The following FRG1 variants were observed in gnomAD, a reference collection of about 807,000 sequenced individuals.
The protein encoded by FRG1 is protein FRG1.
Under a neutral mutation model 37.0 loss-of-function variants are expected in FRG1, and 19 were observed. The ratio of observed to expected loss-of-function variants is 0.51; its 90% CI spans 0.36 to 0.75. The LOEUF is 0.75. Ranked by LOEUF, FRG1 falls within the 30% of genes least tolerant of loss-of-function variation. The pLI is 0.00. For missense variants in FRG1, 243 were observed against 301.4 expected (o/e 0.81, Z 1.44); for synonymous variants, 73 against 96.5 (o/e 0.76, Z 1.43).
chr4:189,948,177 A>G (rs1736607562), intron 2 of FRG1, among the ~76,000 whole-genome samples: 1 of 152,114 alleles, frequency 6.6e-6, no homozygotes, highest in African/African-American at 2.4e-5. Flanking sequence ...CTATTTGTGA[A>G]GGGAAAGAAA....
At chr4:189,948,932 A>AT (rs1418150384) in intron 2 of FRG1, among the ~76,000 whole-genome samples, 2 of 152,218 alleles carry the variant, frequency 1.3e-5, no homozygotes, top group Non-Finnish European at 2.9e-5. Context: ...GGCTAAAGTG[A>AT]TTCTCCTGCT....
intron 1 of FRG1, chr4:189,942,072 T>C (rs2126794957): frequency 5.3e-6 from 1 of 188,100 alleles, no homozygotes; most frequent in Admixed American, 6.4e-5. Context: ...AGTTATCTTC[T>C]GAAAACTTTA....
At chr4:189,958,201 A>G (rs62345294) in intron 6 of FRG1, among the ~76,000 whole-genome samples, 1 of 151,906 alleles carries the variant, frequency 6.6e-6, no homozygotes, top group Admixed American at 6.6e-5. Context: ...TTAGTCTTTT[A>G]TAGATGGAAA....
At chr4:189,947,718 A>G (rs56375279) in intron 2 of FRG1, among the ~76,000 whole-genome samples, 13,809 of 152,310 alleles carry the variant, frequency 0.091, 762 homozygotes, top group African/African-American at 0.15. Flanking sequence ...CCTTGGCCAC[A>G]GACCTGCAGA....
At position 189,957,527 on chromosome 4, in the gene FRG1, GACT is replaced by G. The variant is rs1434142723; in HGVS notation, c.537+26_537+28del. 1.9e-6 allele frequency: 3 copies of G among 1,609,448 alleles called. No individual in the cohort carries two copies. The Admixed American group carries it at 5.0e-5, about 27-fold the overall frequency. On this transcript the variant is annotated intron_variant, in intron 6 of 8. Coordinates refer to ENST00000226798, the MANE Select transcript of FRG1 (RefSeq NM_004477.3). ...GGTAATGATGACATTTTATACAGAT[GACT>G]GCATTCACACATGCGATGTGACTGT...
At chr4:189,958,336 C>T (rs77070089) in intron 6 of FRG1, among the ~76,000 whole-genome samples, 1 of 148,210 alleles carries the variant, frequency 6.7e-6, no homozygotes. Context: ...ATTACCAGGT[C>T]GGGGTATATG....
intron 6 of FRG1, 49 bp from the exon 7 acceptor site, chr4:189,960,699 G>A (rs7440511): frequency 2.1e-6 from 3 of 1,421,362 alleles, no homozygotes; most frequent in Non-Finnish European, 2.9e-6. Context: ...AAGTGGGGAA[G>A]GTGGAAGATA....
chr4:189,942,784 C>T (rs1392858420), intron 1 of FRG1, among the ~76,000 whole-genome samples: 1 of 152,170 alleles, frequency 6.6e-6, no homozygotes, highest in Non-Finnish European at 1.5e-5. Flanking sequence ...AAACTGTTTC[C>T]TGTAGATGCT....
At chr4:189,958,774 A>C (rs13146111) in intron 6 of FRG1, among the ~76,000 whole-genome samples, 53,318 of 152,136 alleles carry the variant, frequency 0.35, 9,797 homozygotes, top group African/African-American at 0.47. Flanking sequence ...AAAACATTTA[A>C]GGCTTAATTT....
Position 189,951,444 on chromosome 4 carries a change from C to T in FRG1, c.134-718C>T, listed in dbSNP as rs369405455. 7.5e-4 allele frequency among the ~76,000 whole-genome samples: 113 copies of T among 150,168 alleles called. No homozygotes were observed. The South Asian group carries it at 0.022, about 29-fold the overall frequency. On this transcript the variant is annotated intron_variant, in intron 2 of 8. Transcript: ENST00000226798. ...GGCAGAGGTCGCAGTGAGCCGAGAT[C>T]GCATCACTGCACTCCAGCCTGGGCG...
chr4:189,945,784 A>G (rs1490081404), intron 2 of FRG1, among the ~76,000 whole-genome samples: 1 of 152,070 alleles, frequency 6.6e-6, no homozygotes, highest in African/African-American at 2.4e-5. Flanking sequence ...ATTAGATGGA[A>G]AGTGCTGTCT....
intron 2 of FRG1, among the ~76,000 whole-genome samples, chr4:189,945,400 C>T (rs10001956): frequency 0.29 from 44,084 of 152,116 alleles, 6,504 homozygotes; most frequent in Middle Eastern, 0.43. Context: ...GCAGAGAAAA[C>T]TTTTATCAAA....
chr4:189,962,074 AGAG>A, intron 8 of FRG1, 142 bp downstream of exon 8: 1 of 614,990 alleles, frequency 1.6e-6, no homozygotes, highest in South Asian at 2.2e-5. Flanking sequence ...TATTACCTAA[AGAG>A]GACATCGTAA....
chr4:189,958,380 A>T (rs1737080399), intron 6 of FRG1, among the ~76,000 whole-genome samples: 1 of 152,206 alleles, frequency 6.6e-6, no homozygotes, highest in Admixed American at 6.5e-5. Context: ...AGCTTCTGTG[A>T]TGATAATCAC....
At chr4:189,962,955 G>A (rs530956663) in intron 8 of FRG1, 138 bp from the exon 9 acceptor site, 9 of 460,402 alleles carry the variant, frequency 2.0e-5, no homozygotes, top group African/African-American at 1.6e-4. Flanking sequence ...AAATTTAAAA[G>A]TATACATATT....
chr4:189,958,852 C>T (rs1737102072), intron 6 of FRG1, among the ~76,000 whole-genome samples: 1 of 152,206 alleles, frequency 6.6e-6, no homozygotes, highest in Non-Finnish European at 1.5e-5. Flanking sequence ...AAGAATAACT[C>T]CCCACTTCTT....
chr4:189,942,153 C>T (rs532016322), intron 1 of FRG1: 1 of 155,736 alleles, frequency 6.4e-6, no homozygotes, highest in East Asian at 1.9e-4. Flanking sequence ...ATAGCACTGT[C>T]AATGTGCCAA....
At chr4:189,948,658 TA>T (rs1736628113) in intron 2 of FRG1, among the ~76,000 whole-genome samples, 1 of 152,158 alleles carries the variant, frequency 6.6e-6, no homozygotes, top group South Asian at 2.1e-4. Context: ...GGTACTATCT[TA>T]TCAGCCATGA....
rs745672281 is a variant in FRG1 at position 189,943,252 on chromosome 4, A to T, written c.113A>T (p.Glu38Val). The change falls in exon 2 of 9, where the codon GAA (glutamate) becomes GTA (valine). Residue 38 changes from glutamate to valine, a missense_variant. Glu to Val is a moderately radical substitution (Grantham distance 121). This residue lies in a region of FRG1 where 110 missense variants were observed against 102.2 expected (regional missense o/e 1.08). Coordinates refer to ENST00000226798, the MANE Select transcript of FRG1 (RefSeq NM_004477.3). ...DKKRKREEDE[E>V]TQLDIVGIWW... ...AAAAGAAAAAGAGAAGAAGATGAAG[A>T]AACCCAGCTTGATATTGTTGGTGAG... 29 of 1,609,544 alleles carry T rather than the reference A, an allele frequency of 1.8e-5. No homozygotes were observed. The highest frequency in any genetic ancestry group is 2.4e-5 in the Non-Finnish European group (28 of 1,178,052).
Sources: gnomAD v4.1 joint callset for allele counts (sites outside exome capture counted in the v4.1 genomes callset) on GRCh38, gnomAD v4.1.1 for gene constraint, gnomAD v4.1.1 regional missense constraint, MANE v1.5 for transcripts, NCBI Gene and HGNC (gene_info 2026-07-23, HGNC 2026-07-21) for gene names.